The following DOCK10 variants were observed in gnomAD, a reference collection of about 807,000 sequenced individuals.
The protein encoded by DOCK10 is dedicator of cytokinesis 10.
In DOCK10, 145 loss-of-function variants were observed where a neutral mutation model predicts 280.1. The ratio of observed to expected loss-of-function variants is 0.52; its 90% CI spans 0.45 to 0.59. The LOEUF (loss-of-function observed/expected upper bound fraction) is 0.59. DOCK10 is among the 20% of genes least tolerant of loss of function. The pLI, the probability that DOCK10 is intolerant of heterozygous loss-of-function variation, is 0.00. For missense variants in DOCK10, 2,368 were observed against 2,651.7 expected, an observed-to-expected ratio of 0.89 and a Z score of 2.35; for synonymous variants, 915 against 942.2, an observed-to-expected ratio of 0.97 and a Z score of 0.53.
intron 29 of DOCK10, among the ~76,000 whole-genome samples, chr2:224,818,045 C>T (rs1194908651): frequency 6.6e-6 from 1 of 152,216 alleles, no homozygotes; most frequent in Non-Finnish European, 1.5e-5. Context: ...TGCTCACACA[C>T]TTCCTCTATG....
intron 1 of DOCK10, among the ~76,000 whole-genome samples, chr2:225,009,122 C>T (rs1162926269): frequency 1.3e-5 from 2 of 152,124 alleles, no homozygotes; most frequent in Non-Finnish European, 2.9e-5. Context: ...GAGGCTATAC[C>T]GCCCTCTAGG....
Position 225,042,299 on chromosome 2 carries a change from C to A in DOCK10, c.76G>T (p.Ala26Ser). 7.4e-7 allele frequency: 1 copy of A among 1,350,898 alleles called. No individual in the cohort carries two copies. The highest frequency in any genetic ancestry group is 9.5e-7 in the Non-Finnish European group (1 of 1,048,112). The allele number at this position is 1,350,898 out of a possible 1,614,324, so 83.7% of individuals were successfully genotyped here. A position where few individuals can be genotyped will look rare whatever the true frequency, so the allele number is the denominator to read the frequency against. Residue 26 changes from alanine to serine, a missense_variant, in exon 1 of 56, where the codon GCC becomes TCC. Physicochemically the swap from Ala to Ser is moderately conservative, Grantham distance 99 (BLOSUM62 1). Coordinates refer to ENST00000258390, the MANE Select transcript of DOCK10 (RefSeq NM_014689.3). This position sits in a 1 kb window ranked among gnomAD's most constrained non-coding sequence, Gnocchi z 5.1. ...PGQAAELRHS[A>S]ASAAAVAVSS... ...ACTGCCACCGCGGCGGCGGACGCGG[C>A]GCTGTGCCGGAGCTCGGCCGCCTGC...
chr2:224,896,185 G>T, intron 4 of DOCK10, 110 bp downstream of exon 4: 1 of 588,288 alleles, frequency 1.7e-6, no homozygotes, highest in Non-Finnish European at 2.8e-6. Context: ...TGGAAAATGT[G>T]CCTTGACAGA....
chr2:224,800,462 C>G (rs975971830), intron 40 of DOCK10, among the ~76,000 whole-genome samples, 199 bp from the exon 41 acceptor site: 1 of 152,108 alleles, frequency 6.6e-6, no homozygotes, highest in African/African-American at 2.4e-5. Context: ...TGTGCCCTTT[C>G]CATATATCAG....
At chr2:224,896,404 T>C (rs756158166) in intron 3 of DOCK10, 27 bp from the exon 4 acceptor site, 3 of 1,423,124 alleles carry the variant, frequency 2.1e-6, no homozygotes, top group Non-Finnish European at 2.9e-6. Context: ...TGACAATTAT[T>C]AATATAAAAA....
intron 1 of DOCK10, among the ~76,000 whole-genome samples, chr2:225,035,469 A>G (rs112289576): frequency 0.05 from 6,686 of 132,532 alleles, 623 homozygotes; most frequent in African/African-American, 0.17. Flanking sequence ...TTCTGATATC[A>G]CCATTTTTTT....
At chr2:224,967,082 C>CT (rs11381058) in intron 1 of DOCK10, among the ~76,000 whole-genome samples, 37,398 of 142,864 alleles carry the variant, frequency 0.26, 5,072 homozygotes, top group East Asian at 0.34. Context: ...ATCCTCTAGT[C>CT]TTTTTTTTTT....
At chr2:224,969,179 T>C (rs947135669) in intron 1 of DOCK10, among the ~76,000 whole-genome samples, 2 of 152,160 alleles carry the variant, frequency 1.3e-5, no homozygotes, top group Non-Finnish European at 2.9e-5. Context: ...TCCTCTCAAA[T>C]GGGGGTACCA....
intron 22 of DOCK10, among the ~76,000 whole-genome samples, 158 bp from the exon 23 acceptor site, chr2:224,842,054 A>C (rs1696000892): frequency 6.6e-6 from 1 of 152,192 alleles, no homozygotes; most frequent in Non-Finnish European, 1.5e-5. Flanking sequence ...TGATGTGGAC[A>C]TTTCTGGCCT....
chr2:224,819,562 T>A, intron 28 of DOCK10, 33 bp from the exon 29 acceptor site: 2 of 1,401,020 alleles, frequency 1.4e-6, no homozygotes, highest in Non-Finnish European at 2.0e-6. Flanking sequence ...TTTAAACACT[T>A]TTACTTGAAG....
intron 1 of DOCK10, among the ~76,000 whole-genome samples, chr2:225,002,193 C>T (rs1013430647): frequency 1.4e-4 from 21 of 152,124 alleles, no homozygotes; most frequent in Non-Finnish European, 2.9e-4. Flanking sequence ...TTTTGAAGGC[C>T]GATACCACTT....
intron 1 of DOCK10, among the ~76,000 whole-genome samples, chr2:225,010,165 T>A (rs774722390): frequency 2.6e-5 from 4 of 152,148 alleles, no homozygotes; most frequent in Non-Finnish European, 5.9e-5. Flanking sequence ...TTAAATCTCA[T>A]CTGCCAGCAA....
At chr2:225,029,165 TTTTA>T (rs895217481) in intron 1 of DOCK10, among the ~76,000 whole-genome samples, 4 of 152,214 alleles carry the variant, frequency 2.6e-5, no homozygotes, top group Admixed American at 2.0e-4. Flanking sequence ...TTCTATTTTA[TTTTA>T]TTTATTTATT....
chr2:224,820,309 G>T (rs552054121), intron 28 of DOCK10, among the ~76,000 whole-genome samples: 39 of 152,354 alleles, frequency 2.6e-4, no homozygotes, highest in Non-Finnish European at 5.1e-4. Context: ...CCAAAAGACG[G>T]ATGGTCATGT....
chr2:224,906,424 T>C (rs1700640239), intron 3 of DOCK10, among the ~76,000 whole-genome samples: 1 of 152,224 alleles, frequency 6.6e-6, no homozygotes, highest in African/African-American at 2.4e-5. Context: ...CTTTTAGTTG[T>C]TTCTTCTGAC....
At chr2:224,811,707 T>C (rs1693790843) in intron 31 of DOCK10, among the ~76,000 whole-genome samples, 1 of 152,206 alleles carries the variant, frequency 6.6e-6, no homozygotes, top group African/African-American at 2.4e-5. Flanking sequence ...TATATATGGC[T>C]AGCCAGTTTT....
intron 3 of DOCK10, among the ~76,000 whole-genome samples, chr2:224,905,476 C>T (rs571190352): frequency 4.7e-4 from 71 of 151,968 alleles, no homozygotes; most frequent in African/African-American, 1.7e-3. Context: ...GTCTCGATCT[C>T]CTGACCTCAT....
intron 47 of DOCK10, among the ~76,000 whole-genome samples, chr2:224,791,788 A>G (rs1018313518): frequency 6.6e-6 from 1 of 152,092 alleles, no homozygotes; most frequent in South Asian, 2.1e-4. Context: ...CAAATGTCTT[A>G]TATGCAAAAT....
At chr2:225,035,262 G>T (rs991502256) in intron 1 of DOCK10, among the ~76,000 whole-genome samples, 1 of 151,874 alleles carries the variant, frequency 6.6e-6, no homozygotes, top group Non-Finnish European at 1.5e-5. Flanking sequence ...AGTATCTCAG[G>T]ATGATGGTGA....
Sources: gnomAD v4.1 joint callset for allele counts (sites outside exome capture counted in the v4.1 genomes callset) on GRCh38, gnomAD v4.1.1 for gene constraint, Gnocchi (gnomAD v3.1) non-coding constraint, MANE v1.5 for transcripts, NCBI Gene and HGNC (gene_info 2026-07-23, HGNC 2026-07-21) for gene names.